EPHB2: variants seen among roughly 807,000 people sequenced by gnomAD.
EPHB2 encodes EPH receptor B2.
EPHB2 carries 18 observed loss-of-function variants against 96.4 expected under a neutral mutation model. The ratio of observed to expected loss-of-function variants is 0.19; its 90% CI spans 0.13 to 0.28. The LOEUF (loss-of-function observed/expected upper bound fraction) is 0.28. EPHB2 is among the 10% of genes least tolerant of loss of function. The pLI is 1.00. For missense variants in EPHB2, 989 were observed against 1,355.4 expected, an observed-to-expected ratio of 0.73 and a Z score of 4.25; for synonymous variants, 506 against 534.1, an observed-to-expected ratio of 0.95 and a Z score of 0.72.
intron 3 of EPHB2, among the ~76,000 whole-genome samples, chr1:22,842,168 A>G (rs1211475498): frequency 1.3e-5 from 2 of 151,988 alleles, no homozygotes; most frequent in Non-Finnish European, 2.9e-5. Context: ...TGCATAGCCC[A>G]GAGAGGAGGC....
intron 5 of EPHB2, among the ~76,000 whole-genome samples, chr1:22,870,993 A>C (rs546251429): frequency 6.6e-6 from 1 of 152,314 alleles, no homozygotes; most frequent in East Asian, 1.9e-4. Context: ...CCTAAAACAC[A>C]GAGATCATTC....
chr1:22,910,730 G>A (rs148595459), intron 14 of EPHB2, among the ~76,000 whole-genome samples, 155 bp downstream of exon 14: 1 of 152,224 alleles, frequency 6.6e-6, no homozygotes, highest in Admixed American at 6.5e-5. Context: ...CCCTGCCTTA[G>A]GGGTGCAGGA....
intron 1 of EPHB2, among the ~76,000 whole-genome samples, chr1:22,730,151 C>T (rs1332133963): frequency 1.3e-5 from 2 of 152,206 alleles, no homozygotes; most frequent in Non-Finnish European, 2.9e-5. Flanking sequence ...TGTGCACAGC[C>T]CCCTGGGAGG....
At chr1:22,873,463 T>A (rs1638737750) in intron 5 of EPHB2, among the ~76,000 whole-genome samples, 1 of 152,188 alleles carries the variant, frequency 6.6e-6, no homozygotes, top group Non-Finnish European at 1.5e-5. Flanking sequence ...TATATCATGT[T>A]GGCTTATATC....
chr1:22,905,063 G>C (rs561664049), intron 9 of EPHB2, among the ~76,000 whole-genome samples: 5 of 152,334 alleles, frequency 3.3e-5, no homozygotes, highest in African/African-American at 9.6e-5. Flanking sequence ...GATGTTGGAA[G>C]ACCAGCTGCC....
rs200700912 is a variant in EPHB2 at position 22,736,115 on chromosome 1, A to C, written c.61+25072A>C. Among the ~76,000 whole-genome samples, 8 of 152,308 alleles carry C rather than the reference A, an allele frequency of 5.3e-5. No homozygotes were observed. The East Asian group carries it at 1.5e-3, about 29-fold the overall frequency. On this transcript the variant is annotated intron_variant, in intron 1 of 15. Transcript: ENST00000374630. The stretch of plus-strand genomic sequence containing the variant: ...CCTGGCCCAAAGGTAGTGCTCAATA[A>C]AGATGATCGTAGTGGTCATCGTTGT...
At chr1:22,747,788 T>C (rs1320125547) in intron 1 of EPHB2, among the ~76,000 whole-genome samples, 1 of 152,240 alleles carries the variant, frequency 6.6e-6, no homozygotes, top group Non-Finnish European at 1.5e-5. Context: ...GAACCCATCG[T>C]GCTGTAGAGC....
chr1:22,784,484 A>G lies in EPHB2; in HGVS notation c.219A>G (p.Leu73=). The change falls in exon 3 of 16, where the codon CTA becomes CTG. Residue 73 remains leucine, a synonymous_variant. Coordinates refer to ENST00000374630, the MANE Select transcript of EPHB2 (RefSeq NM_017449.5). The surrounding 1 kb of genome is among the most constrained non-coding windows in gnomAD (Gnocchi z 5.1). The part of the protein sequence containing the change: ...NVFESSQNNW[L]RTKFIRRRGA... ...TTGAGTCAAGCCAGAACAACTGGCT[A>G]CGGACCAAGTTTATCCGGCGCCGTG... is the stretch of plus-strand genomic sequence containing the variant. 6.2e-7 allele frequency: 1 copy of G among 1,614,094 alleles called. No individual in the cohort carries two copies.
At position 22,732,549 on chromosome 1, in the gene EPHB2, A is replaced by G. The variant is rs1158585760; in HGVS notation, c.61+21506A>G. Among the ~76,000 whole-genome samples, 8 of 152,374 alleles carry G rather than the reference A, an allele frequency of 5.3e-5. No homozygotes were observed. In the East Asian group the frequency reaches 1.5e-3, roughly 29 times the overall value. ...ACACCCTCAGTGCGCGTGTGCACACAGATATACACACGCACACGAATGTCT... is the reference window on the plus strand; with the variant it reads ...ACACCCTCAGTGCGCGTGTGCACACGGATATACACACGCACACGAATGTCT... On this transcript the variant is annotated intron_variant, in intron 1 of 15. Transcript: ENST00000374630.
chr1:22,895,963 T>G (rs1557742186), intron 8 of EPHB2, among the ~76,000 whole-genome samples: 1 of 152,028 alleles, frequency 6.6e-6, no homozygotes, highest in East Asian at 1.9e-4. Flanking sequence ...AGGGAGGACT[T>G]AGGAGGAGGA....
At chr1:22,735,419 A>T (rs1305789021) in intron 1 of EPHB2, among the ~76,000 whole-genome samples, 2 of 149,186 alleles carry the variant, frequency 1.3e-5, no homozygotes, top group Non-Finnish European at 3.0e-5. Context: ...AGCCTAAACA[A>T]CAGAGTGAGA....
intron 1 of EPHB2, among the ~76,000 whole-genome samples, chr1:22,715,497 C>T (rs1166689776): frequency 6.6e-6 from 1 of 152,044 alleles, no homozygotes; most frequent in African/African-American, 2.4e-5. Flanking sequence ...CAGCGACCTT[C>T]CATGGGATTA....
At position 22,846,478 on chromosome 1, in the gene EPHB2, T is replaced by G. The variant is rs1274213370; in HGVS notation, c.812-16559T>G. Among the ~76,000 whole-genome samples the G allele has an allele frequency of 1.3e-5, 2 of 151,282 alleles. No individual in the cohort carries two copies. The highest frequency in any genetic ancestry group is 1.3e-4 in the Admixed American group (2 of 15,208). On this transcript the variant is annotated intron_variant, in intron 3 of 15. Transcript: ENST00000374630. This position sits in a 1 kb window ranked among gnomAD's most constrained non-coding sequence, Gnocchi z 4.3. ...GTCAGGGACCGGGCAGACTTCTTCCTGATTTCTCCAGAGGTTCACAGACCG... is the reference window on the plus strand; with the variant it reads ...GTCAGGGACCGGGCAGACTTCTTCCGGATTTCTCCAGAGGTTCACAGACCG...
intron 5 of EPHB2, among the ~76,000 whole-genome samples, chr1:22,876,873 C>G (rs571588070): frequency 6.6e-6 from 1 of 152,360 alleles, no homozygotes; most frequent in South Asian, 2.1e-4. Flanking sequence ...CCTTGCCACG[C>G]CTGGGGTTAC....
chr1:22,749,535 G>A (rs4654810), intron 1 of EPHB2, among the ~76,000 whole-genome samples: 9,427 of 152,198 alleles, frequency 0.062, 837 homozygotes, highest in African/African-American at 0.19. Flanking sequence ...GGTGACAACA[G>A]GTGTTTCTTG....
rs1644294451 is a variant in EPHB2 at position 22,765,443 on chromosome 1, A to G, written c.62-15978A>G. 3.3e-5 allele frequency among the ~76,000 whole-genome samples: 5 copies of G among 149,954 alleles called. No homozygotes were observed. The Admixed American group carries it at 3.3e-4, about 10-fold the overall frequency. ...GCACCTGTAATCCCAGCTACTCAGG[A>G]GGCTAAGGCAGGAGAATCACTTGAA... On this transcript the variant is annotated intron_variant, in intron 1 of 15. Coordinates refer to ENST00000374630, the MANE Select transcript of EPHB2 (RefSeq NM_017449.5).
chr1:22,906,908 T>C lies in EPHB2; in HGVS notation c.2087T>C (p.Met696Thr). The change falls in exon 11 of 16, where the codon ATG (methionine) becomes ACG (threonine). Residue 696 changes from methionine (M) to threonine (T), a missense_variant. Coordinates refer to ENST00000374630, the MANE Select transcript of EPHB2 (RefSeq NM_017449.5). This position sits in a 1 kb window ranked among gnomAD's most constrained non-coding sequence, Gnocchi z 4.8. ...EGVVTKSTPV[M>T]IITEFMENGS... Reference sequence around the variant, plus strand: ...GTCGTGACCAAGAGCACACCTGTGATGATCATCACCGAGTTCATGGAGAAT... The same window carrying C: ...GTCGTGACCAAGAGCACACCTGTGACGATCATCACCGAGTTCATGGAGAAT... The C allele has an allele frequency of 1.2e-6, 2 of 1,613,920 alleles. No homozygotes were observed. Among genetic ancestry groups the C allele is most frequent in the South Asian group, 1.1e-5 (1 of 91,072 alleles).
At chr1:22,722,105 G>T (rs968265522) in intron 1 of EPHB2, among the ~76,000 whole-genome samples, 1 of 152,000 alleles carries the variant, frequency 6.6e-6, no homozygotes, top group Non-Finnish European at 1.5e-5. Flanking sequence ...GTGCCACCAC[G>T]CCTGGCTAAT....
At chr1:22,713,904 G>A (rs1004349421) in intron 1 of EPHB2, among the ~76,000 whole-genome samples, 30 of 152,282 alleles carry the variant, frequency 2.0e-4, no homozygotes, top group African/African-American at 7.0e-4. Flanking sequence ...ACCGCCCCCC[G>A]ACCAAGTGAA....
Sources: allele counts gnomAD v4.1 joint callset (sites outside exome capture counted in the v4.1 genomes callset), GRCh38; gene constraint gnomAD v4.1.1; non-coding constraint Gnocchi (gnomAD v3.1); transcripts MANE v1.5; gene names NCBI Gene and HGNC (gene_info 2026-07-23, HGNC 2026-07-21).